RFX4: variants seen among roughly 807,000 people sequenced by gnomAD.
RFX4 encodes regulatory factor X4, also known as transcription factor RFX4.
In RFX4, 10 loss-of-function variants were observed where a neutral mutation model predicts 95.0. That is an observed-to-expected ratio of 0.11 (90% CI 0.06 to 0.18). The LOEUF (loss-of-function observed/expected upper bound fraction) is 0.18, where lower values mean the gene tolerates loss of function less well. Among genes scored for constraint, RFX4 ranks in the 10% least tolerant of loss-of-function variants. The pLI, the probability that RFX4 is intolerant of heterozygous loss-of-function variation, is 1.00. For synonymous variants in RFX4, 321 were observed against 340.7 expected, an observed-to-expected ratio of 0.94 and a Z score of 0.64; for missense variants, 640 against 922.0, an observed-to-expected ratio of 0.69 and a Z score of 3.96.
intron 16 of RFX4, among the ~76,000 whole-genome samples, chr12:106,749,664 G>C (rs1018591197): frequency 2.6e-5 from 4 of 152,170 alleles, no homozygotes; most frequent in Admixed American, 1.3e-4. Context: ...AAGAAGAACA[G>C]TGATAATAAT....
At chr12:106,621,343 G>A (rs563406035) in intron 2 of RFX4, among the ~76,000 whole-genome samples, 19 of 152,328 alleles carry the variant, frequency 1.2e-4, no homozygotes, top group Non-Finnish European at 2.2e-4. Flanking sequence ...GTTCTAGCAG[G>A]CAGAGAGAGA....
intron 8 of RFX4, among the ~76,000 whole-genome samples, chr12:106,697,127 C>T (rs939578661): frequency 6.6e-6 from 1 of 152,166 alleles, no homozygotes; most frequent in Non-Finnish European, 1.5e-5. Context: ...AAGCAACTTT[C>T]CAGGCTGTCC....
intron 4 of RFX4, among the ~76,000 whole-genome samples, chr12:106,674,023 G>A (rs1007061127): frequency 6.6e-6 from 1 of 152,138 alleles, no homozygotes. Flanking sequence ...ATCTCACTAA[G>A]AGTAAAAGCA....
At chr12:106,659,443 G>A (rs186898366) in intron 4 of RFX4, among the ~76,000 whole-genome samples, 37 of 152,268 alleles carry the variant, frequency 2.4e-4, no homozygotes, top group Admixed American at 1.0e-3. Context: ...ACAAACATAC[G>A]GTAATAGGGA....
chr12:106,680,120 C>T (rs1007696230), intron 4 of RFX4, among the ~76,000 whole-genome samples: 1 of 152,180 alleles, frequency 6.6e-6, no homozygotes, highest in African/African-American at 2.4e-5. Context: ...ATTTTAAAAG[C>T]CTTTTTTACT....
intron 4 of RFX4, among the ~76,000 whole-genome samples, chr12:106,677,929 G>A (rs2041428401): frequency 6.6e-6 from 1 of 152,154 alleles, no homozygotes; most frequent in Non-Finnish European, 1.5e-5. Context: ...AGAGGAGTCA[G>A]GGAGGACTCT....
At chr12:106,685,034 G>C (rs1261347375) in intron 5 of RFX4, 1 of 1,469,538 alleles carries the variant, frequency 6.8e-7, no homozygotes, top group Non-Finnish European at 9.2e-7. Context: ...GACTTTCATT[G>C]TATCTCCATG....
Position 106,749,255 on chromosome 12 carries a change from C to T in RFX4, c.1797-1400C>T, listed in dbSNP as rs1291873152. Among the ~76,000 whole-genome samples, 8 of 130,804 alleles carry T rather than the reference C, an allele frequency of 6.1e-5. No individual in the cohort carries two copies. In the South Asian group the frequency reaches 2.0e-3, roughly 33 times the overall value. 85.8% of individuals were successfully genotyped at this position (130,804 alleles called of 152,430 possible). ...TGGAGAATAGAGCGATATACTCCAA[C>T]TCAAAAAAAAAAAAAAAAAAAAGAG... On this transcript the variant is annotated intron_variant, in intron 16 of 17. Transcript: ENST00000392842.
intron 15 of RFX4, among the ~76,000 whole-genome samples, chr12:106,742,152 T>C (rs2042818452): frequency 6.6e-6 from 1 of 152,178 alleles, no homozygotes; most frequent in South Asian, 2.1e-4. Context: ...TGTAGCAGAA[T>C]CTCAAAGCTT....
At chr12:106,589,825 T>G (rs775156005) in intron 1 of RFX4, among the ~76,000 whole-genome samples, 1 of 152,312 alleles carries the variant, frequency 6.6e-6, no homozygotes, top group Admixed American at 6.5e-5. Flanking sequence ...TGACTCCGCC[T>G]TTAAGGGGGA....
At chr12:106,744,003 A>G (rs1377641191) in intron 15 of RFX4, among the ~76,000 whole-genome samples, 8 of 152,204 alleles carry the variant, frequency 5.3e-5, no homozygotes, top group Non-Finnish European at 8.8e-5. Context: ...AAAAATACAG[A>G]TAAGTAAAAT....
Position 106,728,854 on chromosome 12 carries a change from G to C in RFX4, c.1352-3276G>C, listed in dbSNP as rs563094966. 3.3e-5 allele frequency among the ~76,000 whole-genome samples: 5 copies of C among 152,300 alleles called. No homozygotes were observed. In the East Asian group the frequency reaches 9.6e-4, roughly 29 times the overall value. Reference sequence around the variant, plus strand: ...GAGCTTTATGCCTCCTTTGTACTCAGAGCACTTAGCACAATGGTAAGCAGG... The same window carrying C: ...GAGCTTTATGCCTCCTTTGTACTCACAGCACTTAGCACAATGGTAAGCAGG... On this transcript the variant is annotated intron_variant, in intron 13 of 17. Transcript: ENST00000392842.
chr12:106,587,621 T>C (rs900707144), intron 1 of RFX4, among the ~76,000 whole-genome samples: 3 of 152,234 alleles, frequency 2.0e-5, no homozygotes, highest in Non-Finnish European at 4.4e-5. Flanking sequence ...CTCCGGGTTC[T>C]CTTCCAGCCT....
chr12:106,744,209 C>T (rs563285160), intron 15 of RFX4, among the ~76,000 whole-genome samples: 1 of 152,242 alleles, frequency 6.6e-6, no homozygotes, highest in South Asian at 2.1e-4. Flanking sequence ...TTTTCTTGTA[C>T]TTATAAATCA....
chr12:106,614,837 T>TG (rs1470871587), intron 2 of RFX4, among the ~76,000 whole-genome samples: 1 of 152,156 alleles, frequency 6.6e-6, no homozygotes, highest in African/African-American at 2.4e-5. Context: ...ATTATGTTGT[T>TG]GGTTTTCTCC....
At chr12:106,584,165 G>A (rs1281966243) in intron 1 of RFX4, among the ~76,000 whole-genome samples, 1 of 152,090 alleles carries the variant, frequency 6.6e-6, no homozygotes, top group African/African-American at 2.4e-5. Context: ...AGGAGGCCAA[G>A]GAATCTTTCA....
intron 2 of RFX4, among the ~76,000 whole-genome samples, chr12:106,612,703 T>C (rs12304705): frequency 6.6e-6 from 1 of 152,132 alleles, no homozygotes; most frequent in African/African-American, 2.4e-5. Context: ...CTGGGCATGG[T>C]GGCAGGCACC....
At chr12:106,601,305 C>T (rs773871306) in intron 1 of RFX4, 8 of 1,595,086 alleles carry the variant, frequency 5.0e-6, no homozygotes, top group Admixed American at 1.7e-5. Flanking sequence ...CACCCTGGTG[C>T]GGGAGGCGAC....
intron 1 of RFX4, among the ~76,000 whole-genome samples, chr12:106,606,981 T>G (rs1419853916): frequency 1.3e-5 from 2 of 152,198 alleles, no homozygotes; most frequent in Non-Finnish European, 2.9e-5. Context: ...TCCCAGTTGC[T>G]TTCTAGGAAA....
Sources: allele counts gnomAD v4.1 joint callset (sites outside exome capture counted in the v4.1 genomes callset), GRCh38; gene constraint gnomAD v4.1.1; transcripts MANE v1.5; gene names NCBI Gene and HGNC (gene_info 2026-07-23, HGNC 2026-07-21).